Variants in EPHA6 observed in about 807,000 individuals in gnomAD.
EPHA6 encodes the protein EPH receptor A6.
In EPHA6, 50 loss-of-function variants were observed where a neutral mutation model predicts 112.0. That is an observed-to-expected ratio of 0.45 (90% CI 0.36 to 0.56). EPHA6 has a LOEUF of 0.56. Ranked by LOEUF, EPHA6 falls within the 20% of genes least tolerant of loss-of-function variation. The pLI, the probability that EPHA6 is intolerant of heterozygous loss-of-function variation, is 0.00. For synonymous variants in EPHA6, 529 were observed against 490.7 expected, an observed-to-expected ratio of 1.08 and a Z score of -1.03; for missense variants, 1,280 against 1,417.4, an observed-to-expected ratio of 0.90 and a Z score of 1.56.
At chr3:97,747,851 T>A (rs1480964666) in intron 17 of EPHA6, among the ~76,000 whole-genome samples, 1 of 152,084 alleles carries the variant, frequency 6.6e-6, no homozygotes, top group East Asian at 1.9e-4. Flanking sequence ...CAACTTAATT[T>A]TACCTTGGCA....
intron 12 of EPHA6, among the ~76,000 whole-genome samples, chr3:97,593,411 C>G (rs1054786412): frequency 3.3e-5 from 5 of 152,112 alleles, no homozygotes; most frequent in African/African-American, 1.2e-4. Flanking sequence ...TATCCAGCTG[C>G]CTTCCTTCAT....
chr3:96,955,608 A>T (rs962246074), intron 2 of EPHA6, among the ~76,000 whole-genome samples: 19 of 152,190 alleles, frequency 1.2e-4, no homozygotes, highest in Non-Finnish European at 2.2e-4. Flanking sequence ...TTATAAAAAA[A>T]GATACTGTGC....
intron 6 of EPHA6, among the ~76,000 whole-genome samples, chr3:97,436,113 C>A (rs2089821085): frequency 6.6e-6 from 1 of 152,028 alleles, no homozygotes; most frequent in Non-Finnish European, 1.5e-5. Flanking sequence ...TATTATAAAT[C>A]TTGAGGCACA....
At chr3:97,303,070 C>A (rs139091137) in intron 5 of EPHA6, among the ~76,000 whole-genome samples, 3,258 of 151,724 alleles carry the variant, frequency 0.021, 86 homozygotes, top group African/African-American at 0.067. Flanking sequence ...AAATTACCTG[C>A]AAAACACTAA....
intron 5 of EPHA6, among the ~76,000 whole-genome samples, chr3:97,358,692 CTT>C (rs1277278476): frequency 6.6e-6 from 1 of 151,368 alleles, no homozygotes; most frequent in African/African-American, 2.4e-5. Context: ...TGTCTAATGT[CTT>C]TTCATTTTAC....
intron 3 of EPHA6, among the ~76,000 whole-genome samples, chr3:97,104,942 A>G (rs1365105009): frequency 6.6e-6 from 1 of 151,978 alleles, no homozygotes; most frequent in Non-Finnish European, 1.5e-5. Flanking sequence ...ATGTGTTGGT[A>G]GTAGTCTCTG....
intron 14 of EPHA6, among the ~76,000 whole-genome samples, chr3:97,644,904 T>C (rs533577096): frequency 6.6e-6 from 1 of 152,198 alleles, no homozygotes; most frequent in African/African-American, 2.4e-5. Flanking sequence ...TTCCAATCAG[T>C]AAAAAAGAGG....
chr3:97,466,072 T>C (rs941989485), intron 7 of EPHA6, among the ~76,000 whole-genome samples: 3 of 151,838 alleles, frequency 2.0e-5, no homozygotes, highest in Non-Finnish European at 4.4e-5. Context: ...CCCAAAACTA[T>C]CCATCTATTA....
At chr3:97,525,544 G>A (rs1173745421) in intron 10 of EPHA6, among the ~76,000 whole-genome samples, 2 of 152,110 alleles carry the variant, frequency 1.3e-5, no homozygotes, top group Non-Finnish European at 2.9e-5. Context: ...ATGGTGTCAT[G>A]TTTGCTTCAT....
At chr3:97,692,155 C>T (rs1162680306) in intron 14 of EPHA6, among the ~76,000 whole-genome samples, 1 of 152,068 alleles carries the variant, frequency 6.6e-6, no homozygotes, top group African/African-American at 2.4e-5. Context: ...TTTTCAGTAT[C>T]TCTTTTGTTG....
At chr3:97,262,023 A>T (rs2079520069) in intron 5 of EPHA6, among the ~76,000 whole-genome samples, 1 of 152,222 alleles carries the variant, frequency 6.6e-6, no homozygotes, top group Non-Finnish European at 1.5e-5. Context: ...TTATTTAGTC[A>T]TAAGTTACTC....
intron 5 of EPHA6, among the ~76,000 whole-genome samples, chr3:97,288,840 CT>C (rs992603776): frequency 6.7e-6 from 1 of 149,740 alleles, no homozygotes; most frequent in East Asian, 1.9e-4. Context: ...ATGTTGAGCA[CT>C]TTTTCATATG....
At chr3:97,681,667 C>T (rs192355884) in intron 14 of EPHA6, among the ~76,000 whole-genome samples, 7 of 152,088 alleles carry the variant, frequency 4.6e-5, no homozygotes, top group Non-Finnish European at 8.8e-5. Flanking sequence ...ATTGAATAAA[C>T]GAATCTGTGA....
At chr3:97,660,647 C>A (rs2094163593) in intron 14 of EPHA6, among the ~76,000 whole-genome samples, 1 of 152,098 alleles carries the variant, frequency 6.6e-6, no homozygotes, top group Non-Finnish European at 1.5e-5. Flanking sequence ...CCCAGAATCT[C>A]AGCTGCCATA....
chr3:97,372,512 G>A (rs58504911), intron 5 of EPHA6, among the ~76,000 whole-genome samples: 13,439 of 152,100 alleles, frequency 0.088, 1,832 homozygotes, highest in African/African-American at 0.3. Context: ...GGTCTTAATA[G>A]CAATAATTTG....
At chr3:96,928,872 A>T (rs1263790323) in intron 2 of EPHA6, among the ~76,000 whole-genome samples, 1 of 152,130 alleles carries the variant, frequency 6.6e-6, no homozygotes, top group Non-Finnish European at 1.5e-5. Context: ...CCATTATGTA[A>T]TACCCTTCTT....
intron 2 of EPHA6, among the ~76,000 whole-genome samples, chr3:96,963,415 G>C (rs1436720960): frequency 6.6e-6 from 1 of 152,070 alleles, no homozygotes; most frequent in Non-Finnish European, 1.5e-5. Flanking sequence ...GGGACTTATA[G>C]TCAAAACCCC....
At chr3:97,221,308 CAAAAAAAAAAA>C (rs57025573) in intron 3 of EPHA6, among the ~76,000 whole-genome samples, 33 of 16,400 alleles carry the variant, frequency 2.0e-3, no homozygotes, top group South Asian at 8.0e-3. Context: ...GACTCTGTCT[CAAAAAAAAAAA>C]AAAAAAAAAA....
At chr3:97,273,380 A>G (rs1481613695) in intron 5 of EPHA6, among the ~76,000 whole-genome samples, 4 of 152,076 alleles carry the variant, frequency 2.6e-5, no homozygotes, top group Non-Finnish European at 2.9e-5. Flanking sequence ...AGTAGTTGAG[A>G]ATGGTGAATA....
Sources: allele counts gnomAD v4.1 joint callset (sites outside exome capture counted in the v4.1 genomes callset), GRCh38; gene constraint gnomAD v4.1.1; transcripts MANE v1.5; gene names NCBI Gene and HGNC (gene_info 2026-07-23, HGNC 2026-07-21).